DNAH11: variants seen among roughly 807,000 people sequenced by gnomAD.
DNAH11 encodes the protein dynein axonemal heavy chain 11, also known as axonemal beta dynein heavy chain 11.
In DNAH11, 442 loss-of-function variants were observed where a neutral mutation model predicts 526.0. That is an observed-to-expected ratio of 0.84 (90% confidence interval 0.78 to 0.91). The LOEUF is 0.91. DNAH11 is among the 40% of genes least tolerant of loss of function. The probability of loss-of-function intolerance (pLI) is 0.00; values close to 1 mark genes in which losing one functional copy is unlikely to be tolerated. For missense variants in DNAH11, 6,989 were observed against 5,448.7 expected (o/e 1.28, Z -8.90); for synonymous variants, 2,461 against 1,935.9 (o/e 1.27, Z -7.12).
At chr7:21,806,334 C>A (rs922733422) in intron 62 of DNAH11, among the ~76,000 whole-genome samples, 1 of 152,110 alleles carries the variant, frequency 6.6e-6, no homozygotes, top group African/African-American at 2.4e-5. Flanking sequence ...TGAGAGATTC[C>A]TCCTGAAAAT....
Position 21,589,307 on chromosome 7 carries a change from A to G in DNAH11, c.2073A>G (p.Lys691=). Residue 691 remains lysine (K), a synonymous_variant, in exon 12 of 82, where the codon AAA becomes AAG. Coordinates refer to ENST00000409508, the MANE Select transcript of DNAH11 (RefSeq NM_001277115.2). Reference sequence around the variant, plus strand: ...AAAGTCGTATCTATAATGAATGGAAAAGTAATGTGGATGAAATCTGTGAAT... The same window carrying G: ...AAAGTCGTATCTATAATGAATGGAAGAGTAATGTGGATGAAATCTGTGAAT... ...QFESRIYNEW[K]SNVDEICEFN... 6.2e-7 allele frequency: 1 copy of G among 1,611,152 alleles called. No individual in the cohort carries two copies. The highest frequency in any genetic ancestry group is 1.7e-4 in the Middle Eastern group (1 of 6,052).
At chr7:21,674,025 GTT>G (rs772771784) in intron 30 of DNAH11, among the ~76,000 whole-genome samples, 1 of 104,736 alleles carries the variant, frequency 9.5e-6, no homozygotes, top group Non-Finnish European at 1.9e-5. Context: ...ATTCTGTTTT[GTT>G]TTGTGTGTGT....
intron 73 of DNAH11, among the ~76,000 whole-genome samples, chr7:21,870,681 T>G (rs1300202040): frequency 1.3e-5 from 2 of 152,200 alleles, no homozygotes; most frequent in African/African-American, 2.4e-5. Context: ...GTATCTGTGC[T>G]GAGCTATTTG....
Position 21,873,389 on chromosome 7 carries a change from C to T in DNAH11, c.12083C>T (p.Pro4028Leu), listed in dbSNP as rs1425029257. The change falls in exon 74 of 82, where the codon CCA becomes CTA. Residue 4028 changes from proline to leucine, a missense_variant. By Grantham distance (98) the Pro-to-Leu change is moderately conservative. Transcript: ENST00000409508. ...VFMSAESAPT[P>L]DEHIIPQGLL... ...ATGAGTGCTGAGTCTGCACCTACACCAGATGAGCATATCATCCCTCAAGGA... is the reference window on the plus strand; with the variant it reads ...ATGAGTGCTGAGTCTGCACCTACACTAGATGAGCATATCATCCCTCAAGGA... The T allele has an allele frequency of 6.2e-7, 1 of 1,613,934 alleles. No homozygotes were observed. Among genetic ancestry groups the T allele is most frequent in the Non-Finnish European group, 8.5e-7 (1 of 1,179,834 alleles).
In DNAH11 at chr7:21,858,286, A is replaced by G. The variant is rs1448717764; in HGVS notation, c.11203-3567A>G. ...CTCTCACATTGCTGGAAGGAATGCA[A>G]TAAACCATTTTGGAAAACAGTTTGG... is the stretch of plus-strand genomic sequence containing the variant. On this transcript the variant is annotated intron_variant, in intron 68 of 81. Coordinates refer to ENST00000409508, the MANE Select transcript of DNAH11 (RefSeq NM_001277115.2). Among the ~76,000 whole-genome samples the G allele has an allele frequency of 5.9e-5, 9 of 152,236 alleles. No homozygotes were observed. In the East Asian group the frequency reaches 7.7e-4, roughly 13 times the overall value.
In DNAH11 at chr7:21,738,683, A is replaced by C; in HGVS notation, c.7646-18A>C. The C allele has an allele frequency of 6.4e-7, 1 of 1,551,556 alleles. No homozygotes were observed. The highest frequency in any genetic ancestry group is 8.7e-7 in the Non-Finnish European group (1 of 1,149,128). Reference sequence around the variant, plus strand: ...TACATTCTGTTGATGGGTGGACAGAAATATATGTTTATTTCAGAAATTCTT... The same window carrying C: ...TACATTCTGTTGATGGGTGGACAGACATATATGTTTATTTCAGAAATTCTT... On this transcript the variant is annotated intron_variant, in intron 46 of 81. Transcript: ENST00000409508.
At position 21,638,934 on chromosome 7, in the gene DNAH11, T is replaced by C. The variant is rs1442933638; in HGVS notation, c.4818-5T>C. 1.2e-6 allele frequency: 2 copies of C among 1,600,454 alleles called. No individual in the cohort carries two copies. Among genetic ancestry groups the C allele is most frequent in the South Asian group, 1.1e-5 (1 of 87,888 alleles). On this transcript the variant is annotated splice_polypyrimidine_tract_variant and splice_region_variant and intron_variant, in intron 27 of 81. Coordinates refer to ENST00000409508, the MANE Select transcript of DNAH11 (RefSeq NM_001277115.2). ...TATGCTTAAAAACATTTTTCATTCA[T>C]GTAGGCTTTCTCTTTGTGAAAAAGC...
At chr7:21,826,516 T>C (rs1790307043) in intron 65 of DNAH11, among the ~76,000 whole-genome samples, 1 of 152,186 alleles carries the variant, frequency 6.6e-6, no homozygotes. Flanking sequence ...TTTTTGAAAA[T>C]TAATCTACAT....
chr7:21,900,838 T>G (rs1583829162), intron 81 of DNAH11, 169 bp from the exon 82 acceptor site: 9 of 1,118,694 alleles, frequency 8.0e-6, no homozygotes, highest in South Asian at 2.1e-5. Flanking sequence ...GCAGGCAGGG[T>G]AACCTACCTT....
intron 74 of DNAH11, among the ~76,000 whole-genome samples, chr7:21,877,586 C>T (rs982728686): frequency 2.6e-4 from 40 of 152,106 alleles, no homozygotes; most frequent in African/African-American, 9.2e-4. Flanking sequence ...AGCTAAAGAG[C>T]CTCTTGAGGC....
intron 65 of DNAH11, among the ~76,000 whole-genome samples, chr7:21,828,434 A>T (rs1231657255): frequency 6.6e-6 from 1 of 152,174 alleles, no homozygotes; most frequent in Non-Finnish European, 1.5e-5. Context: ...CAGCTTTTCT[A>T]TTCCTAAATT....
intron 65 of DNAH11, among the ~76,000 whole-genome samples, chr7:21,837,348 G>A (rs975809248): frequency 5.5e-4 from 83 of 152,100 alleles, no homozygotes; most frequent in African/African-American, 2.0e-3. Flanking sequence ...ACAGTTGAAT[G>A]CGTAATGAAA....
At chr7:21,683,258 A>C (rs1783215784) in intron 31 of DNAH11, among the ~76,000 whole-genome samples, 1 of 152,198 alleles carries the variant, frequency 6.6e-6, no homozygotes, top group South Asian at 2.1e-4. Flanking sequence ...TTTTAACTGG[A>C]AGATGAATGG....
intron 76 of DNAH11, among the ~76,000 whole-genome samples, chr7:21,890,832 C>A (rs1262126755): frequency 6.6e-6 from 1 of 152,166 alleles, no homozygotes. Context: ...AATAGTCCAA[C>A]TTCTTCCTTC....
intron 42 of DNAH11, among the ~76,000 whole-genome samples, chr7:21,716,765 T>C (rs931544192): frequency 6.6e-6 from 1 of 152,224 alleles, no homozygotes; most frequent in Non-Finnish European, 1.5e-5. Context: ...TCTTATGCAA[T>C]TGGACTTCTG....
Position 21,900,062 on chromosome 7 carries a change from G to GGAA in DNAH11, c.13248_13250dup (p.Glu4416dup). 6.2e-7 allele frequency: 1 copy of GGAA among 1,613,874 alleles called. No individual in the cohort carries two copies. Among genetic ancestry groups the GGAA allele is most frequent in the East Asian group, 2.2e-5 (1 of 44,880 alleles). ...CTGCTGATGTTACCAAAAAAACAAA[G>GGAA]GAAGATTATGGACACCCGCCAAGGG... On this transcript the variant is annotated inframe_insertion, in exon 81 of 82. Coordinates refer to ENST00000409508, the MANE Select transcript of DNAH11 (RefSeq NM_001277115.2).
chr7:21,888,106 CCTGTGCCTCA>C (rs1215269137), intron 76 of DNAH11, among the ~76,000 whole-genome samples: 12 of 152,124 alleles, frequency 7.9e-5, no homozygotes, highest in Admixed American at 3.3e-4. Context: ...GCATGGCTTC[CCTGTGCCTCA>C]CTTCATTCAT....
At chr7:21,813,936 A>C (rs892739751) in intron 63 of DNAH11, among the ~76,000 whole-genome samples, 1 of 152,172 alleles carries the variant, frequency 6.6e-6, no homozygotes, top group Admixed American at 6.5e-5. Flanking sequence ...CTAATATGTC[A>C]CTTAATGAAG....
At chr7:21,673,402 T>C (rs990350212) in intron 30 of DNAH11, among the ~76,000 whole-genome samples, 28 of 152,322 alleles carry the variant, frequency 1.8e-4, no homozygotes, top group Non-Finnish European at 3.5e-4. Context: ...ACAGTACACA[T>C]GTACCCATAC....
Sources: gnomAD v4.1 joint callset for allele counts (sites outside exome capture counted in the v4.1 genomes callset) on GRCh38, gnomAD v4.1.1 for gene constraint, MANE v1.5 for transcripts, NCBI Gene and HGNC (gene_info 2026-07-23, HGNC 2026-07-21) for gene names.